The following ZNF783 variants were observed in gnomAD, a reference collection of about 807,000 sequenced individuals.
The protein encoded by ZNF783 is zinc finger protein 783, also known as protein ZNF783.
ZNF783 carries 25 observed loss-of-function variants against 31.3 expected under a neutral mutation model. The observed-to-expected ratio is 0.80, with a 90% CI of 0.58 to 1.11. The LOEUF is 1.11. Ranked by LOEUF, ZNF783 falls within the 50% of genes most tolerant of loss-of-function variation. The pLI, the probability that ZNF783 is intolerant of heterozygous loss-of-function variation, is 0.00. For missense variants in ZNF783, 797 were observed against 760.0 expected, an observed-to-expected ratio of 1.05 and a Z score of -0.57; for synonymous variants, 369 against 319.1, an observed-to-expected ratio of 1.16 and a Z score of -1.66.
chr7:149,280,128 C>T (rs1342540366), intron 5 of ZNF783, among the ~76,000 whole-genome samples: 3 of 149,152 alleles, frequency 2.0e-5, no homozygotes, highest in Admixed American at 6.7e-5. Flanking sequence ...CCGGACAGGG[C>T]GGCTGGCCGG....
At position 149,278,655 on chromosome 7, in the gene ZNF783, C is replaced by A. The variant is rs1360796582; in HGVS notation, c.802+128C>A. The stretch of plus-strand genomic sequence containing the variant: ...AGAGAGGGCTGGGAGACTGGTTGGG[C>A]TGGGCCGGACAGGCTTTCTGGGAAA... On this transcript the variant is annotated intron_variant, in intron 5 of 5. Transcript: ENST00000434415. 2.8e-6 allele frequency: 4 copies of A among 1,450,404 alleles called. No homozygotes were observed. In the East Asian group the frequency reaches 9.8e-5, roughly 35 times the overall value. 89.8% of individuals were successfully genotyped at this position (1,450,404 alleles called of 1,614,324 possible). A position where few individuals can be genotyped will look rare whatever the true frequency, so the allele number is the denominator to read the frequency against.
intron 4 of ZNF783, 69 bp from the exon 5 acceptor site, chr7:149,278,330 G>T (rs552852487): frequency 6.3e-7 from 1 of 1,586,030 alleles, no homozygotes; most frequent in African/African-American, 1.3e-5. Context: ...CCTTTCCCCA[G>T]AGGGTCCCTG....
intron 4 of ZNF783, chr7:149,276,352 G>A (rs1797329050): frequency 1.0e-6 from 1 of 989,174 alleles, no homozygotes. Context: ...TTTGTTGTAG[G>A]AAGGATCCAA....
In ZNF783 at chr7:149,283,632, G is replaced by C. The variant is rs1797535781; in HGVS notation, c.*1289G>C. The C allele has an allele frequency of 6.6e-6, 1 of 152,268 alleles. No individual in the cohort carries two copies. The highest frequency in any genetic ancestry group is 2.4e-5 in the African/African-American group (1 of 41,470). The allele number at this position is 152,268 out of a possible 1,614,324, so 9.4% of individuals were successfully genotyped here. On this transcript the variant is annotated 3_prime_UTR_variant, in exon 6 of 6. Coordinates refer to ENST00000434415, the MANE Select transcript of ZNF783 (RefSeq NM_001195220.2). ...TGCTTTTCACATTAAAGGCGGGGCAGTCTCCTCTCAAAGGAGTTCTCCCTT... is the reference window on the plus strand; with the variant it reads ...TGCTTTTCACATTAAAGGCGGGGCACTCTCCTCTCAAAGGAGTTCTCCCTT...
chr7:149,265,727 C>T (rs1797047001), intron 1 of ZNF783, among the ~76,000 whole-genome samples: 1 of 152,200 alleles, frequency 6.6e-6, no homozygotes, highest in Non-Finnish European at 1.5e-5. Context: ...ACATGGGGCT[C>T]ATGTTTATTA....
At chr7:149,280,376 C>T (rs375496547) in intron 5 of ZNF783, among the ~76,000 whole-genome samples, 13 of 151,614 alleles carry the variant, frequency 8.6e-5, no homozygotes, top group Admixed American at 2.0e-4. Flanking sequence ...CACCTGTGGC[C>T]GCAGCAGAGC....
intron 1 of ZNF783, among the ~76,000 whole-genome samples, chr7:149,262,583 G>A (rs989384833): frequency 1.3e-4 from 20 of 152,216 alleles, no homozygotes; most frequent in Non-Finnish European, 2.9e-4. Context: ...CTGACGATCC[G>A]GCCCATCTGC....
chr7:149,280,804 C>T (rs1477129446), intron 5 of ZNF783, among the ~76,000 whole-genome samples: 2 of 152,170 alleles, frequency 1.3e-5, no homozygotes, highest in East Asian at 1.9e-4. Flanking sequence ...TGGGGTCTCA[C>T]GTCTCCAGCA....
chr7:149,262,628 G>A (rs1347064488), intron 1 of ZNF783, among the ~76,000 whole-genome samples: 1 of 152,192 alleles, frequency 6.6e-6, no homozygotes, highest in Non-Finnish European at 1.5e-5. Flanking sequence ...AGTCACGCTC[G>A]GCGACGAGGA....
Position 149,283,212 on chromosome 7 carries a change from C to G in ZNF783, c.*869C>G, listed in dbSNP as rs957976082. 1.3e-5 allele frequency: 2 copies of G among 151,990 alleles called. No individual in the cohort carries two copies. Among genetic ancestry groups the G allele is most frequent in the Non-Finnish European group, 2.9e-5 (2 of 68,062 alleles). The allele number at this position is 151,990 out of a possible 1,614,324, so 9.4% of individuals were successfully genotyped here. On this transcript the variant is annotated 3_prime_UTR_variant, in exon 6 of 6. Transcript: ENST00000434415. Reference sequence around the variant, plus strand: ...TCTCGAACTCCTGATGTTAGGTGACCCGCACACCTCGGCCTCCTGAAGTGC... The same window carrying G: ...TCTCGAACTCCTGATGTTAGGTGACGCGCACACCTCGGCCTCCTGAAGTGC...
chr7:149,263,090 G>A (rs1563192684), intron 1 of ZNF783, among the ~76,000 whole-genome samples: 1 of 151,306 alleles, frequency 6.6e-6, no homozygotes, highest in Non-Finnish European at 1.5e-5. Flanking sequence ...TACCACGCCT[G>A]GCTAATTTTT....
chr7:149,283,475 G>A lies in ZNF783; in HGVS notation c.*1132G>A, dbSNP rs932080237. 2 of 152,368 alleles carry A rather than the reference G, an allele frequency of 1.3e-5. No homozygotes were observed. Among genetic ancestry groups the A allele is most frequent in the African/African-American group, 4.8e-5 (2 of 41,570 alleles). 9.4% of individuals were successfully genotyped at this position (152,368 alleles called of 1,614,324 possible). A position where few individuals can be genotyped will look rare whatever the true frequency, so the allele number is the denominator to read the frequency against. ...TCTCCCCAAGGGCTCAGTGTTCATG[G>A]GTGTGTAAGATCCATTGACTGGACC... On this transcript the variant is annotated 3_prime_UTR_variant, in exon 6 of 6. Transcript: ENST00000434415.
rs372985178 is a variant in ZNF783 at position 149,278,548 on chromosome 7, G to A, written c.802+21G>A. The A allele has an allele frequency of 5.8e-5, 92 of 1,598,818 alleles. 1 individual carries two copies. Among genetic ancestry groups the A allele is most frequent in the Admixed American group, 1.7e-4 (10 of 59,954 alleles). ...AGCAGGTGAGTGAGGACAGTGAGGC[G>A]GCAGGATGAACAGTGTCCCGAGGCA... On this transcript the variant is annotated intron_variant, in intron 5 of 5. Transcript: ENST00000434415.
intron 4 of ZNF783, chr7:149,278,093 TG>T: frequency 9.3e-7 from 1 of 1,079,030 alleles, no homozygotes; most frequent in Non-Finnish European, 1.2e-6. Flanking sequence ...CACTGGCTGG[TG>T]GGACAGGCAT....
In ZNF783 at chr7:149,274,653, G is replaced by A. The variant is rs149448877; in HGVS notation, c.674-3746G>A. Reference sequence around the variant, plus strand: ...AGTGTTGGGATTACAGGCGTGAGCCGCCGCACCTGGCCTAATATGTGTTCT... The same window carrying A: ...AGTGTTGGGATTACAGGCGTGAGCCACCGCACCTGGCCTAATATGTGTTCT... On this transcript the variant is annotated intron_variant, in intron 4 of 5. Transcript: ENST00000434415. Among the ~76,000 whole-genome samples, 647 of 152,316 alleles carry A rather than the reference G, an allele frequency of 4.2e-3. 7 individuals carry two copies. The highest frequency in any genetic ancestry group is 0.014 in the African/African-American group (565 of 41,572).
chr7:149,267,187 A>G lies in ZNF783; in HGVS notation c.638A>G (p.Glu213Gly). ...CGGTGGGGCCAGGAGAAGGGGAATGAAGTAGAGGTGGGACGTCCAAGGATG... is the reference window on the plus strand; with the variant it reads ...CGGTGGGGCCAGGAGAAGGGGAATGGAGTAGAGGTGGGACGTCCAAGGATG... ...LDRWGQEKGN[E>G]VEVGRPRMMG... Residue 213 changes from glutamate to glycine, a missense_variant, in exon 4 of 6, where the codon GAA (glutamate) becomes GGA (glycine). Glu to Gly is a moderately conservative substitution (Grantham distance 98). Transcript: ENST00000434415. 6.3e-7 allele frequency: 1 copy of G among 1,598,946 alleles called. No homozygotes were observed. Among genetic ancestry groups the G allele is most frequent in the African/African-American group, 1.3e-5 (1 of 74,980 alleles).
chr7:149,266,863 G>A lies in ZNF783; in HGVS notation c.465G>A (p.Leu155=), dbSNP rs1161359430. ...FDDVAVYFSE[L]EWGKLEDWQK... is the part of the protein sequence containing the mutation. ...ATGTGGCCGTGTATTTCTCTGAGCT[G>A]GAGTGGGGCAAGCTGGAGGACTGGC... The change falls in exon 3 of 6, where the codon CTG becomes CTA. Residue 155 remains leucine, a synonymous_variant. Coordinates refer to ENST00000434415, the MANE Select transcript of ZNF783 (RefSeq NM_001195220.2). The A allele has an allele frequency of 3.7e-6, 6 of 1,614,126 alleles. No homozygotes were observed. Among genetic ancestry groups the A allele is most frequent in the Middle Eastern group, 1.6e-4 (1 of 6,062 alleles).
intron 1 of ZNF783, among the ~76,000 whole-genome samples, 194 bp downstream of exon 1, chr7:149,262,551 GGCGGGGCCCCGACGTCA>G (rs1563192480): frequency 6.6e-6 from 1 of 152,226 alleles, no homozygotes. Flanking sequence ...AGGCCCGGCG[GGCGGGGCCCCGACGTCA>G]GCGGCTGACG....
intron 4 of ZNF783, among the ~76,000 whole-genome samples, chr7:149,272,087 G>A (rs1284530010): frequency 2.0e-5 from 3 of 152,034 alleles, no homozygotes; most frequent in Non-Finnish European, 2.9e-5. Context: ...GCACGATCTC[G>A]TCTCACTGTA....
Sources: gnomAD v4.1 joint callset for allele counts (sites outside exome capture counted in the v4.1 genomes callset) on GRCh38, gnomAD v4.1.1 for gene constraint, MANE v1.5 for transcripts, NCBI Gene and HGNC (gene_info 2026-07-23, HGNC 2026-07-21) for gene names.